SLC5A9: variants seen among roughly 807,000 people sequenced by gnomAD.
SLC5A9 encodes the protein sodium/glucose cotransporter 4.
SLC5A9 carries 59 observed loss-of-function variants against 70.9 expected under a neutral mutation model. The observed-to-expected ratio is 0.83, with a 90% confidence interval of 0.68 to 1.03. SLC5A9 has a LOEUF of 1.03. Ranked by LOEUF, SLC5A9 falls within the 50% of genes least tolerant of loss-of-function variation. The probability of loss-of-function intolerance (pLI) is 0.00; values close to 1 mark genes in which losing one functional copy is unlikely to be tolerated. For synonymous variants in SLC5A9, 340 were observed against 346.5 expected, an observed-to-expected ratio of 0.98 and a Z score of 0.21; for missense variants, 832 against 881.1, an observed-to-expected ratio of 0.94 and a Z score of 0.71.
chr1:48,225,421 A>G (rs1644130259), intron 2 of SLC5A9, among the ~76,000 whole-genome samples: 1 of 151,996 alleles, frequency 6.6e-6, no homozygotes, highest in African/African-American at 2.4e-5. Flanking sequence ...CGATCCCCAA[A>G]CCTTCGTGAG....
intron 1 of SLC5A9, 32 bp downstream of exon 1, chr1:48,222,930 G>A: frequency 6.2e-7 from 1 of 1,610,992 alleles, no homozygotes; most frequent in South Asian, 1.1e-5. Context: ...GGCTAGCAGG[G>A]GAGGTAGTAG....
chr1:48,230,764 A>T (rs996994439), intron 5 of SLC5A9, 59 bp downstream of exon 5: 2 of 1,259,776 alleles, frequency 1.6e-6, no homozygotes, highest in African/African-American at 2.9e-5. Context: ...CCAGAGAGAA[A>T]GACTGAAGGA....
intron 4 of SLC5A9, 32 bp from the exon 5 acceptor site, chr1:48,230,568 G>T: frequency 6.5e-7 from 1 of 1,533,648 alleles, no homozygotes; most frequent in South Asian, 1.1e-5. Flanking sequence ...GGCCTCGGGT[G>T]GTCTGGCCTC....
At chr1:48,246,141 T>C (rs1477167033) in intron 13 of SLC5A9, among the ~76,000 whole-genome samples, 2 of 152,230 alleles carry the variant, frequency 1.3e-5, no homozygotes, top group Non-Finnish European at 2.9e-5. Flanking sequence ...TGAATTTAAA[T>C]ATGAAGCTCT....
At chr1:48,224,902 A>T (rs558875741) in intron 2 of SLC5A9, 107 bp downstream of exon 2, 1 of 1,110,098 alleles carries the variant, frequency 9.0e-7, no homozygotes, top group East Asian at 2.4e-5. Context: ...CAAGGCAAAG[A>T]CCTCCCCGTT....
intron 13 of SLC5A9, among the ~76,000 whole-genome samples, chr1:48,246,282 A>G (rs558324114): frequency 7.0e-4 from 107 of 152,292 alleles, no homozygotes; most frequent in Non-Finnish European, 1.4e-3. Flanking sequence ...TTCTGTTGCT[A>G]TGTGACCTTA....
At chr1:48,234,744 A>C (rs2148578031) in intron 9 of SLC5A9, among the ~76,000 whole-genome samples, 1 of 152,160 alleles carries the variant, frequency 6.6e-6, no homozygotes. Flanking sequence ...GGAGGAGTGA[A>C]TCCGGGAAGT....
chr1:48,247,147 C>G (rs1397067474), intron 13 of SLC5A9, among the ~76,000 whole-genome samples, 188 bp from the exon 14 acceptor site: 1 of 152,198 alleles, frequency 6.6e-6, no homozygotes, highest in African/African-American at 2.4e-5. Flanking sequence ...GCTCAGCACC[C>G]AGTCTGTGGT....
In SLC5A9 at chr1:48,222,999, G is replaced by C. The variant is rs1644093757; in HGVS notation, c.162+101G>C. ...GGGCAGGGCTAGGCAGAAAGAAGCAGATCATAGAACCATGTGGCTGAGAAG... is the reference window on the plus strand; with the variant it reads ...GGGCAGGGCTAGGCAGAAAGAAGCACATCATAGAACCATGTGGCTGAGAAG... On this transcript the variant is annotated intron_variant, in intron 1 of 13. Coordinates refer to ENST00000438567, the MANE Select transcript of SLC5A9 (RefSeq NM_001011547.3). 3 of 1,268,324 alleles carry C rather than the reference G, an allele frequency of 2.4e-6. No individual in the cohort carries two copies. In the South Asian group the frequency reaches 4.1e-5, roughly 17 times the overall value. The allele number at this position is 1,268,324 out of a possible 1,614,324, so 78.6% of individuals were successfully genotyped here.
intron 10 of SLC5A9, among the ~76,000 whole-genome samples, chr1:48,236,621 TC>T (rs1353044376): frequency 6.6e-6 from 1 of 152,258 alleles, no homozygotes; most frequent in Non-Finnish European, 1.5e-5. Context: ...AATCGAAGGT[TC>T]CCTAACTTGG....
chr1:48,246,648 C>T (rs1013738575), intron 13 of SLC5A9, among the ~76,000 whole-genome samples: 3 of 152,266 alleles, frequency 2.0e-5, no homozygotes, highest in Middle Eastern at 3.4e-3. Flanking sequence ...TGCATGGGTT[C>T]GGTCTCGTGC....
At position 48,239,259 on chromosome 1, in the gene SLC5A9, T is replaced by A. The variant is rs574333631; in HGVS notation, c.1462-63T>A. On this transcript the variant is annotated intron_variant, in intron 11 of 13. Transcript: ENST00000438567. This position sits in a 1 kb window ranked among gnomAD's most constrained non-coding sequence, Gnocchi z 4.2. ...GGAGAGAGATTTGGGGAGAGAGTAGTTTTACCTTCCTAGGGTCTCCCACCT... is the reference window on the plus strand; with the variant it reads ...GGAGAGAGATTTGGGGAGAGAGTAGATTTACCTTCCTAGGGTCTCCCACCT... 50 of 1,260,562 alleles carry A rather than the reference T, an allele frequency of 4.0e-5. No individual in the cohort carries two copies. The highest frequency in any genetic ancestry group is 2.7e-4 in the Middle Eastern group (1 of 3,652). 78.1% of individuals were successfully genotyped at this position (1,260,562 alleles called of 1,614,324 possible). A position where few individuals can be genotyped will look rare whatever the true frequency, so the allele number is the denominator to read the frequency against.
chr1:48,231,740 T>G, intron 6 of SLC5A9, 115 bp downstream of exon 6: 1 of 1,525,386 alleles, frequency 6.6e-7, no homozygotes, highest in Non-Finnish European at 8.8e-7. Context: ...ATGTGAGCCA[T>G]GTCCCCTCTC....
chr1:48,238,415 A>G (rs1379501224), intron 11 of SLC5A9: 1 of 152,382 alleles, frequency 6.6e-6, no homozygotes, highest in Non-Finnish European at 1.5e-5. Context: ...CTGCACTTGC[A>G]TTATTCATGC....
At chr1:48,226,080 T>C (rs1644142420) in intron 2 of SLC5A9, among the ~76,000 whole-genome samples, 1 of 152,090 alleles carries the variant, frequency 6.6e-6, no homozygotes, top group African/African-American at 2.4e-5. Context: ...CTGTCCAGCA[T>C]GACAGAATCC....
chr1:48,240,336 C>A (rs1364590105), intron 12 of SLC5A9: 1 of 152,178 alleles, frequency 6.6e-6, no homozygotes, highest in African/African-American at 2.4e-5. Flanking sequence ...TTGGTGACCT[C>A]ATTTAACCTT....
chr1:48,228,890 T>C lies in SLC5A9; in HGVS notation c.275T>C (p.Leu92Ser), dbSNP rs1465792969. The C allele has an allele frequency of 6.2e-7, 1 of 1,613,864 alleles. No homozygotes were observed. The change falls in exon 3 of 14, where the codon TTG becomes TCG. Residue 92 changes from leucine to serine, a missense_variant. By Grantham distance (145) the Leu-to-Ser change is moderately radical. Transcript: ENST00000438567. ...SLMSSNVGSG[L>S]FIGLAGTGAA... The stretch of plus-strand genomic sequence containing the variant: ...ATGTCCAGCAATGTGGGCAGTGGCT[T>C]GTTCATCGGCCTGGCTGGGACAGGG...
chr1:48,222,733 A>T lies in SLC5A9; in HGVS notation c.-4A>T. On this transcript the variant is annotated 5_prime_UTR_variant, in exon 1 of 14. Coordinates refer to ENST00000438567, the MANE Select transcript of SLC5A9 (RefSeq NM_001011547.3). ...TCCAGCCTGCTGTTGACCAACACTAACAGATGAGCAAGGAGCTGGCAGCAA... is the reference window on the plus strand; with the variant it reads ...TCCAGCCTGCTGTTGACCAACACTATCAGATGAGCAAGGAGCTGGCAGCAA... The T allele has an allele frequency of 6.2e-7, 1 of 1,614,100 alleles. No homozygotes were observed. The highest frequency in any genetic ancestry group is 8.5e-7 in the Non-Finnish European group (1 of 1,180,000).
intron 13 of SLC5A9, among the ~76,000 whole-genome samples, chr1:48,245,863 A>C (rs547319266): frequency 9.2e-5 from 14 of 152,080 alleles, no homozygotes; most frequent in Non-Finnish European, 1.9e-4. Context: ...CAGGAGGCTG[A>C]GATGGGAGGA....
Sources: allele counts gnomAD v4.1 joint callset (sites outside exome capture counted in the v4.1 genomes callset), GRCh38; gene constraint gnomAD v4.1.1; non-coding constraint Gnocchi (gnomAD v3.1); transcripts MANE v1.5; gene names NCBI Gene and HGNC (gene_info 2026-07-23, HGNC 2026-07-21).